Variants in HTATIP2 observed in about 807,000 individuals in gnomAD.
The protein encoded by HTATIP2 is HIV-1 Tat interactive protein 2.
In HTATIP2, 26 loss-of-function variants were observed where a neutral mutation model predicts 24.7. The ratio of observed to expected loss-of-function variants is 1.05; its 90% confidence interval spans 0.77 to 1.46. The LOEUF (loss-of-function observed/expected upper bound fraction) is 1.46, where lower values mean the gene tolerates loss of function less well. Ranked by LOEUF, HTATIP2 falls within the 40% of genes most tolerant of loss-of-function variation. The pLI is 0.00. For synonymous variants in HTATIP2, 99 were observed against 113.2 expected (o/e 0.87, Z 0.79); for missense variants, 284 against 289.6 (o/e 0.98, Z 0.14).
intron 1 of HTATIP2, among the ~76,000 whole-genome samples, chr11:20,366,249 C>G (rs1305673742): frequency 6.6e-6 from 1 of 151,290 alleles, no homozygotes; most frequent in Non-Finnish European, 1.5e-5. Flanking sequence ...CTACAGGTGC[C>G]TACCACCACA....
At position 20,363,926 on chromosome 11, in the gene HTATIP2, G is replaced by T; in HGVS notation, c.-312G>T. On this transcript the variant is annotated 5_prime_UTR_variant, in exon 1 of 5. Transcript: ENST00000451739. ...GGCTGGCCCCAGGTAACCCCTCCGC[G>T]TATGGGACCGAGCTGGGCCAGGTCT... The T allele has an allele frequency of 8.0e-7, 1 of 1,242,504 alleles. No individual in the cohort carries two copies. The allele number at this position is 1,242,504 out of a possible 1,614,324, so 77.0% of individuals were successfully genotyped here. A position where few individuals can be genotyped will look rare whatever the true frequency, so the allele number is the denominator to read the frequency against.
At chr11:20,364,792 C>T (rs993799983) in intron 1 of HTATIP2, among the ~76,000 whole-genome samples, 1 of 152,166 alleles carries the variant, frequency 6.6e-6, no homozygotes, top group Non-Finnish European at 1.5e-5. Flanking sequence ...AGAATTTTCT[C>T]AGCCACTTTG....
intron 2 of HTATIP2, among the ~76,000 whole-genome samples, chr11:20,372,637 C>T (rs942657792): frequency 3.4e-4 from 52 of 152,138 alleles, no homozygotes; most frequent in African/African-American, 1.1e-3. Flanking sequence ...GACATGTGGA[C>T]TTAATACTCT....
intron 1 of HTATIP2, among the ~76,000 whole-genome samples, chr11:20,366,516 T>A (rs2064708757): frequency 6.6e-6 from 1 of 152,198 alleles, no homozygotes; most frequent in Admixed American, 6.5e-5. Flanking sequence ...CTTTTTTAAG[T>A]TATACAGCAA....
rs1303832560 is a variant in HTATIP2 at position 20,376,590 on chromosome 11, T to C, written c.314T>C (p.Val105Ala). The C allele has an allele frequency of 2.5e-6, 4 of 1,613,860 alleles. No individual in the cohort carries two copies. The African/African-American group carries it at 4.0e-5, about 16-fold the overall frequency. The change falls in exon 3 of 5, where the codon GTT becomes GCT. Residue 105 changes from valine (V) to alanine (A), a missense_variant. By Grantham distance (64) the Val-to-Ala change is moderately conservative (BLOSUM62 0). Transcript: ENST00000451739. ...TRGKAGAEGF[V>A]RVDRDYVLKS... ...CCTTTTCCCCCTTAGGAGGGATTTG[T>C]TCGTGTTGACCGAGATTATGTGCTG...
chr11:20,380,780 A>G (rs1848508940), intron 3 of HTATIP2, among the ~76,000 whole-genome samples: 1 of 152,172 alleles, frequency 6.6e-6, no homozygotes, highest in African/African-American at 2.4e-5. Flanking sequence ...AACAACCTAG[A>G]TAGCCATCGA....
chr11:20,364,894 T>C (rs1286173900), intron 1 of HTATIP2, among the ~76,000 whole-genome samples: 1 of 152,056 alleles, frequency 6.6e-6, no homozygotes, highest in East Asian at 1.9e-4. Flanking sequence ...CAGTGAAAGG[T>C]GGGATTATTC....
intron 2 of HTATIP2, among the ~76,000 whole-genome samples, chr11:20,371,375 C>T (rs1445090088): frequency 6.6e-6 from 1 of 152,134 alleles, no homozygotes; most frequent in Non-Finnish European, 1.5e-5. Flanking sequence ...AGGAGGTGAC[C>T]AGTGAACCCA....
chr11:20,376,831 A>G (rs995231626), intron 3 of HTATIP2, 114 bp downstream of exon 3: 7 of 720,026 alleles, frequency 9.7e-6, no homozygotes, highest in Non-Finnish European at 1.3e-5. Context: ...CATATTATGC[A>G]TTTGTATGGC....
chr11:20,376,633 A>G lies in HTATIP2; in HGVS notation c.357A>G (p.Ala119=). The change falls in exon 3 of 5, where the codon GCA becomes GCG. Residue 119 remains alanine, a synonymous_variant. Transcript: ENST00000451739. ...ATGTGCTGAAGTCTGCAGAGCTGGC[A>G]AAAGCTGGAGGGTGCAAACATTTCA... The part of the protein sequence containing the change: ...RDYVLKSAEL[A]KAGGCKHFNL... 1.2e-6 allele frequency: 2 copies of G among 1,614,054 alleles called. No homozygotes were observed. The highest frequency in any genetic ancestry group is 1.7e-6 in the Non-Finnish European group (2 of 1,179,948).
chr11:20,372,846 G>T (rs1046757427), intron 2 of HTATIP2, among the ~76,000 whole-genome samples: 1 of 152,116 alleles, frequency 6.6e-6, no homozygotes, highest in Non-Finnish European at 1.5e-5. Flanking sequence ...CCTCACTCCA[G>T]AGAAAATTGG....
rs566196056 is a variant in HTATIP2, at chr11:20,363,835, CGCG to C, written c.-391_-389del. The C allele has an allele frequency of 6.6e-5, 82 of 1,244,098 alleles. No individual in the cohort carries two copies. The highest frequency in any genetic ancestry group is 4.0e-4 in the South Asian group (10 of 25,010). 77.1% of individuals were successfully genotyped at this position (1,244,098 alleles called of 1,614,324 possible). A position where few individuals can be genotyped will look rare whatever the true frequency, so the allele number is the denominator to read the frequency against. Reference sequence around the variant, plus strand: ...TGATGGCCGGGCCTGCGGCGCTGAGCGCGGCGGCGGCGGCTGCTCTGGCGGCCG... The same window carrying C: ...TGATGGCCGGGCCTGCGGCGCTGAGCGCGGCGGCGGCTGCTCTGGCGGCCG... On this transcript the variant is annotated 5_prime_UTR_variant, in exon 1 of 5. Transcript: ENST00000451739.
chr11:20,379,637 C>T (rs1346369060), intron 3 of HTATIP2, among the ~76,000 whole-genome samples: 3 of 152,102 alleles, frequency 2.0e-5, no homozygotes, highest in Admixed American at 6.5e-5. Flanking sequence ...CTGCTGGTGC[C>T]GTGGGGAGAC....
intron 2 of HTATIP2, chr11:20,367,733 C>A: frequency 1.1e-6 from 1 of 946,606 alleles, no homozygotes; most frequent in Non-Finnish European, 1.3e-6. Context: ...AACATCAGAA[C>A]ACAGGCACGA....
In HTATIP2 at chr11:20,363,877, G is replaced by A; in HGVS notation, c.-361G>A. On this transcript the variant is annotated 5_prime_UTR_variant, in exon 1 of 5. Transcript: ENST00000451739. ...CTCTGGCGGCCGCCCTGCTCCTGCT[G>A]CGTCGTGAGGACCCGGGGCCGGGGG... is the stretch of plus-strand genomic sequence containing the variant. 1 of 1,244,194 alleles carries A rather than the reference G, an allele frequency of 8.0e-7. No individual in the cohort carries two copies. Among genetic ancestry groups the A allele is most frequent in the Non-Finnish European group, 1.0e-6 (1 of 990,692 alleles). The allele number at this position is 1,244,194 out of a possible 1,614,324, so 77.1% of individuals were successfully genotyped here. A position where few individuals can be genotyped will look rare whatever the true frequency, so the allele number is the denominator to read the frequency against.
In HTATIP2 at chr11:20,364,384, C is replaced by G; in HGVS notation, c.147C>G (p.Leu49=). 1 of 1,611,868 alleles carries G rather than the reference C, an allele frequency of 6.2e-7. No individual in the cohort carries two copies. Among genetic ancestry groups the G allele is most frequent in the Non-Finnish European group, 8.5e-7 (1 of 1,178,378 alleles). ...LEQGLFSKVT[L]IGRRKLTFDE... ...AGGGCCTGTTTTCCAAAGTCACGCTCATTGGCCGGAGGAAGCTCACCTTCG... is the reference window on the plus strand; with the variant it reads ...AGGGCCTGTTTTCCAAAGTCACGCTGATTGGCCGGAGGAAGCTCACCTTCG... Residue 49 remains leucine, a synonymous_variant, in exon 1 of 5, where the codon CTC becomes CTG. Coordinates refer to ENST00000451739, the MANE Select transcript of HTATIP2 (RefSeq NM_001098522.2).
Position 20,363,813 on chromosome 11 carries a change from T to C in HTATIP2, c.-425T>C. 6 of 1,245,258 alleles carry C rather than the reference T, an allele frequency of 4.8e-6. No homozygotes were observed. The highest frequency in any genetic ancestry group is 4.0e-5 in the South Asian group (1 of 25,000). The allele number at this position is 1,245,258 out of a possible 1,614,324, so 77.1% of individuals were successfully genotyped here. ...GACCAGGGAAGGTGGGATGCTCTGA[T>C]GGCCGGGCCTGCGGCGCTGAGCGCG... On this transcript the variant is annotated 5_prime_UTR_variant, in exon 1 of 5. An upstream start codon of the reference 5' UTR is lost. Coordinates refer to ENST00000451739, the MANE Select transcript of HTATIP2 (RefSeq NM_001098522.2).
At chr11:20,369,177 G>C (rs2064745338) in intron 2 of HTATIP2, among the ~76,000 whole-genome samples, 1 of 152,210 alleles carries the variant, frequency 6.6e-6, no homozygotes, top group Non-Finnish European at 1.5e-5. Flanking sequence ...TAACGATAGT[G>C]TTTTAAGTGG....
intron 3 of HTATIP2, among the ~76,000 whole-genome samples, chr11:20,380,188 TACAG>T (rs767273760): frequency 2.0e-5 from 3 of 152,318 alleles, no homozygotes; most frequent in South Asian, 2.1e-4. Context: ...ACATTGTTTG[TACAG>T]ACAGTTTAGG....
Sources: gnomAD v4.1 joint callset for allele counts (sites outside exome capture counted in the v4.1 genomes callset) on GRCh38, gnomAD v4.1.1 for gene constraint, MANE v1.5 for transcripts, NCBI Gene and HGNC (gene_info 2026-07-23, HGNC 2026-07-21) for gene names.